The following NINL variants were observed in gnomAD, a reference collection of about 807,000 sequenced individuals.
The protein encoded by NINL is ninein-like protein.
A neutral mutation model predicts 160.3 loss-of-function variants in NINL; 153 were observed. That is an observed-to-expected ratio of 0.95 (90% CI 0.84 to 1.09). The LOEUF is 1.09. Ranked by LOEUF, NINL falls within the 50% of genes least tolerant of loss-of-function variation. NINL has a pLI of 0.00. For synonymous variants in NINL, 800 were observed against 734.8 expected (o/e 1.09, Z -1.43); for missense variants, 1,829 against 1,764.0 (o/e 1.04, Z -0.66).
At chr20:25,511,990 G>A (rs1443063631) in intron 4 of NINL, among the ~76,000 whole-genome samples, 2 of 152,132 alleles carry the variant, frequency 1.3e-5, no homozygotes, top group South Asian at 2.1e-4. Context: ...AAAATGGTTC[G>A]ACCCAATCCA....
At chr20:25,467,209 G>A (rs1232046191) in intron 19 of NINL, among the ~76,000 whole-genome samples, 180 bp downstream of exon 19, 1 of 152,250 alleles carries the variant, frequency 6.6e-6, no homozygotes, top group African/African-American at 2.4e-5. Context: ...GACTGGGGCA[G>A]GGGTCTTCAC....
intron 1 of NINL, among the ~76,000 whole-genome samples, chr20:25,583,829 A>G (rs2065199297): frequency 6.6e-6 from 1 of 152,208 alleles, no homozygotes; most frequent in Non-Finnish European, 1.5e-5. Context: ...TTGCAGGGAC[A>G]TGCATAAAGT....
chr20:25,522,951 C>T (rs1168068591), intron 2 of NINL, among the ~76,000 whole-genome samples: 1 of 152,224 alleles, frequency 6.6e-6, no homozygotes, highest in African/African-American at 2.4e-5. Context: ...TTACAATTGT[C>T]TCTCAGTATC....
At chr20:25,493,302 G>A (rs1350194346) in intron 10 of NINL, among the ~76,000 whole-genome samples, 1 of 152,130 alleles carries the variant, frequency 6.6e-6, no homozygotes, top group African/African-American at 2.4e-5. Context: ...TCGGGAGAAC[G>A]AAGTCGCTGG....
At chr20:25,529,102 A>G (rs2064406535) in intron 1 of NINL, among the ~76,000 whole-genome samples, 1 of 152,114 alleles carries the variant, frequency 6.6e-6, no homozygotes. Flanking sequence ...AAAACAATAT[A>G]ATCAGTGATA....
chr20:25,582,646 A>G (rs2065186513), intron 1 of NINL, among the ~76,000 whole-genome samples: 1 of 152,178 alleles, frequency 6.6e-6, no homozygotes, highest in South Asian at 2.1e-4. Flanking sequence ...TAAACCACTA[A>G]TGGATGATGT....
chr20:25,564,069 C>A (rs966573405), intron 1 of NINL, among the ~76,000 whole-genome samples: 1 of 151,864 alleles, frequency 6.6e-6, no homozygotes, highest in African/African-American at 2.4e-5. Context: ...AAAATATTAG[C>A]CCGGCATGGT....
chr20:25,470,627 C>T (rs1415986122), intron 17 of NINL, among the ~76,000 whole-genome samples: 3 of 152,192 alleles, frequency 2.0e-5, no homozygotes, highest in Non-Finnish European at 4.4e-5. Context: ...TCTTTGTTCT[C>T]TGACAACTCA....
At chr20:25,574,281 A>C (rs907957196) in intron 1 of NINL, among the ~76,000 whole-genome samples, 3 of 152,226 alleles carry the variant, frequency 2.0e-5, no homozygotes, top group Non-Finnish European at 4.4e-5. Context: ...TCTGGATCCC[A>C]AAGTCATTTC....
intron 2 of NINL, among the ~76,000 whole-genome samples, chr20:25,523,887 C>T (rs532018424): frequency 6.6e-6 from 1 of 152,282 alleles, no homozygotes; most frequent in East Asian, 1.9e-4. Context: ...GATCCACCTG[C>T]CTTGGCCTCC....
chr20:25,543,040 C>A (rs868162307), intron 1 of NINL, among the ~76,000 whole-genome samples: 895 of 130,392 alleles, frequency 6.9e-3, no homozygotes, highest in Non-Finnish European at 8.2e-3. Context: ...ACTCCGTCTT[C>A]AAAAAAAAAA....
rs1223860137 is a variant in NINL, at chr20:25,503,850, C to T, written c.861+102G>A. On this transcript the variant is annotated intron_variant, in intron 7 of 23. Transcript: ENST00000278886. ...CATGGCCTGTCCAGTTCTTGGACAGCTTGTTGTGTGGTGACACAGGCAGGG... is the reference window on the plus strand; with the variant it reads ...CATGGCCTGTCCAGTTCTTGGACAGTTTGTTGTGTGGTGACACAGGCAGGG... The T allele has an allele frequency of 5.0e-6, 7 of 1,407,010 alleles. No homozygotes were observed. The Admixed American group carries it at 1.0e-4, about 21-fold the overall frequency. 87.2% of individuals were successfully genotyped at this position (1,407,010 alleles called of 1,614,324 possible). A position where few individuals can be genotyped will look rare whatever the true frequency, so the allele number is the denominator to read the frequency against.
At chr20:25,517,088 C>A (rs370475895) in intron 3 of NINL, among the ~76,000 whole-genome samples, 164 of 152,190 alleles carry the variant, frequency 1.1e-3, no homozygotes, top group African/African-American at 3.6e-3. Flanking sequence ...CAGAAAACCT[C>A]TGTGTGAGCC....
chr20:25,577,749 T>C lies in NINL; in HGVS notation c.-12+7706A>G, dbSNP rs184522017. 4.5e-3 allele frequency among the ~76,000 whole-genome samples: 688 copies of C among 152,184 alleles called. 7 individuals carry two copies. Among genetic ancestry groups the C allele is most frequent in the African/African-American group, 0.016 (652 of 41,520 alleles). ...GGCGGGGGAGCCCACCACCCCTCTT[T>C]GTGTGGGGCCAGCAGAAGCTCGGGG... On this transcript the variant is annotated intron_variant, in intron 1 of 23. Coordinates refer to ENST00000278886, the MANE Select transcript of NINL (RefSeq NM_025176.6).
chr20:25,563,002 T>C (rs1215591809), intron 1 of NINL, among the ~76,000 whole-genome samples: 1 of 152,078 alleles, frequency 6.6e-6, no homozygotes, highest in Non-Finnish European at 1.5e-5. Flanking sequence ...CCATCTCTAC[T>C]AAAAATACAA....
chr20:25,512,023 C>T (rs1174265124), intron 4 of NINL, among the ~76,000 whole-genome samples: 1 of 152,194 alleles, frequency 6.6e-6, no homozygotes, highest in Admixed American at 6.5e-5. Flanking sequence ...AAGCTGTGGA[C>T]CTGCCCCATG....
chr20:25,476,713 A>G lies in NINL; in HGVS notation c.2578T>C (p.Trp860Arg). The G allele has an allele frequency of 6.2e-7, 1 of 1,600,268 alleles. No individual in the cohort carries two copies. Among genetic ancestry groups the G allele is most frequent in the Non-Finnish European group, 8.5e-7 (1 of 1,177,272 alleles). The change falls in exon 17 of 24, where the codon TGG becomes CGG. Residue 860 changes from tryptophan (W) to arginine (R), a missense_variant. Coordinates refer to ENST00000278886, the MANE Select transcript of NINL (RefSeq NM_025176.6). ...TCTCTGCCATCACCTGGGGCCAGCC[A>G]GGCCAGTGGCCGCTCCCCACAGCCC... ...RPGCGERPLA[W>R]LAPGDGRESE...
chr20:25,568,575 A>G (rs1177309659), intron 1 of NINL, among the ~76,000 whole-genome samples: 4 of 151,702 alleles, frequency 2.6e-5, no homozygotes, highest in African/African-American at 9.7e-5. Flanking sequence ...TGCCTGGCTT[A>G]TTTTTTAAAT....
chr20:25,469,263 T>A (rs1423630483), intron 18 of NINL, among the ~76,000 whole-genome samples: 1 of 27,516 alleles, frequency 3.6e-5, no homozygotes, highest in African/African-American at 1.6e-4. Flanking sequence ...GGCACCCCCC[T>A]ACCCTGTCCC....
Sources: allele counts gnomAD v4.1 joint callset (sites outside exome capture counted in the v4.1 genomes callset), GRCh38; gene constraint gnomAD v4.1.1; transcripts MANE v1.5; gene names NCBI Gene and HGNC (gene_info 2026-07-23, HGNC 2026-07-21).